UTP20: variants seen among roughly 807,000 people sequenced by gnomAD.
The protein encoded by UTP20 is small subunit processome component 20 homolog.
A neutral mutation model predicts 329.5 loss-of-function variants in UTP20; 164 were observed. The ratio of observed to expected loss-of-function variants is 0.50; its 90% CI spans 0.44 to 0.57. UTP20 has a LOEUF of 0.57. Ranked by LOEUF, UTP20 falls within the 20% of genes least tolerant of loss-of-function variation. The pLI is 0.00. For missense variants in UTP20, 3,055 were observed against 3,284.2 expected (o/e 0.93, Z 1.71); for synonymous variants, 1,151 against 1,159.3 (o/e 0.99, Z 0.14).
At chr12:101,354,201 G>A (rs1246821384) in intron 40 of UTP20, among the ~76,000 whole-genome samples, 1 of 148,732 alleles carries the variant, frequency 6.7e-6, no homozygotes, top group Non-Finnish European at 1.5e-5. Context: ...GGCAGATGTT[G>A]CGGTAAGCTG....
chr12:101,324,886 T>C (rs1226934424), intron 25 of UTP20, among the ~76,000 whole-genome samples: 1 of 152,200 alleles, frequency 6.6e-6, no homozygotes, highest in Non-Finnish European at 1.5e-5. Flanking sequence ...ATAACTACGT[T>C]TTGTTCTTGT....
intron 46 of UTP20, among the ~76,000 whole-genome samples, chr12:101,365,846 T>A (rs1870080525): frequency 1.3e-5 from 2 of 152,234 alleles, no homozygotes; most frequent in Middle Eastern, 3.2e-3. Context: ...TACCATTTTT[T>A]AAAAAGATTT....
At chr12:101,336,011 A>G (rs1433984771) in intron 29 of UTP20, among the ~76,000 whole-genome samples, 1 of 152,186 alleles carries the variant, frequency 6.6e-6, no homozygotes, top group African/African-American at 2.4e-5. Flanking sequence ...TTTTATATTC[A>G]TTGGGTCCTT....
At chr12:101,372,369 G>C (rs1404171939) in intron 51 of UTP20, among the ~76,000 whole-genome samples, 1 of 152,210 alleles carries the variant, frequency 6.6e-6, no homozygotes, top group East Asian at 1.9e-4. Flanking sequence ...CCTTCAACTA[G>C]AAAATGGGCT....
At chr12:101,345,105 C>G in intron 36 of UTP20, among the ~76,000 whole-genome samples, 1 of 151,798 alleles carries the variant, frequency 6.6e-6, no homozygotes, top group African/African-American at 2.4e-5. Flanking sequence ...GCCACCACGC[C>G]CAGCTAATTT....
intron 19 of UTP20, among the ~76,000 whole-genome samples, chr12:101,310,182 C>G (rs539115934): frequency 4.6e-5 from 7 of 152,144 alleles, no homozygotes; most frequent in African/African-American, 1.7e-4. Flanking sequence ...TATTTTGAGT[C>G]ATTGAGCCAT....
intron 46 of UTP20, 86 bp downstream of exon 46, chr12:101,365,711 A>G: frequency 1.7e-6 from 2 of 1,168,198 alleles, no homozygotes; most frequent in African/African-American, 1.6e-5. Flanking sequence ...TTGCTTTAGT[A>G]AAAAATAAAA....
chr12:101,340,438 G>A, intron 31 of UTP20, 85 bp from the exon 32 acceptor site: 1 of 789,284 alleles, frequency 1.3e-6, no homozygotes, highest in South Asian at 1.8e-5. Context: ...TGTGTCTTTA[G>A]TCATTGTTTT....
At chr12:101,288,613 G>C (rs1009219891) in intron 5 of UTP20, among the ~76,000 whole-genome samples, 1 of 152,188 alleles carries the variant, frequency 6.6e-6, no homozygotes, top group African/African-American at 2.4e-5. Flanking sequence ...TCATGACCAT[G>C]ATCATTTCCA....
At chr12:101,302,225 C>CTCA (rs1331813321) in intron 14 of UTP20, among the ~76,000 whole-genome samples, 1 of 152,216 alleles carries the variant, frequency 6.6e-6, no homozygotes. Context: ...GCCACCATGA[C>CTCA]CAGCCTGTAT....
At chr12:101,290,969 T>A in intron 8 of UTP20, 81 bp downstream of exon 8, 1 of 1,394,222 alleles carries the variant, frequency 7.2e-7, no homozygotes, top group Non-Finnish European at 9.7e-7. Context: ...TGCAAATCAC[T>A]CCTAGAAGTT....
At chr12:101,361,388 C>T (rs12300460) in intron 43 of UTP20, among the ~76,000 whole-genome samples, 3,461 of 152,116 alleles carry the variant, frequency 0.023, 141 homozygotes, top group African/African-American at 0.08. Context: ...CTTAGGGAGG[C>T]TGAGGCAGGC....
At chr12:101,283,799 C>T (rs1190182473) in intron 2 of UTP20, among the ~76,000 whole-genome samples, 1 of 152,176 alleles carries the variant, frequency 6.6e-6, no homozygotes, top group Non-Finnish European at 1.5e-5. Flanking sequence ...CTCTTCCTGC[C>T]TCAGCCTCCC....
intron 2 of UTP20, among the ~76,000 whole-genome samples, 176 bp downstream of exon 2, chr12:101,281,372 T>G (rs1175950921): frequency 6.6e-6 from 1 of 152,234 alleles, no homozygotes; most frequent in East Asian, 1.9e-4. Flanking sequence ...AATTAAAAAT[T>G]TGGGTGCCCA....
intron 10 of UTP20, 93 bp downstream of exon 10, chr12:101,292,197 C>A: frequency 7.3e-7 from 1 of 1,363,680 alleles, no homozygotes; most frequent in Non-Finnish European, 9.8e-7. Context: ...GTGACAAAGG[C>A]TCTGCCCTCA....
rs1461606141 is a variant in UTP20, at chr12:101,373,642, A to G, written c.7006A>G (p.Asn2336Asp). The change falls in exon 54 of 62, where the codon AAT becomes GAT. Residue 2336 changes from asparagine (N) to aspartate (D), a missense_variant. Asn to Asp is a conservative substitution (Grantham distance 23). Coordinates refer to ENST00000261637, the MANE Select transcript of UTP20 (RefSeq NM_014503.3). The stretch of plus-strand genomic sequence containing the variant: ...TATCCCTCTTTGTCTAATGACGATC[A>G]ATGATGACTCTGCCACGTGCAAAAA... The part of the protein sequence containing the change: ...FFIPLCLMTI[N>D]DDSATCKKMA... 1 of 1,613,298 alleles carries G rather than the reference A, an allele frequency of 6.2e-7. No homozygotes were observed. The highest frequency in any genetic ancestry group is 8.5e-7 in the Non-Finnish European group (1 of 1,179,858).
intron 28 of UTP20, among the ~76,000 whole-genome samples, chr12:101,334,195 C>T (rs1213916280): frequency 6.6e-6 from 1 of 152,176 alleles, no homozygotes; most frequent in Non-Finnish European, 1.5e-5. Context: ...ACCTAAAATA[C>T]CATTTCCTTT....
chr12:101,350,345 T>C (rs1278053364), intron 38 of UTP20, among the ~76,000 whole-genome samples: 2 of 152,092 alleles, frequency 1.3e-5, no homozygotes, highest in South Asian at 4.1e-4. Context: ...TTTTAATTTA[T>C]TTTTTGTAGA....
At position 101,340,602 on chromosome 12, in the gene UTP20, A is replaced by G. The variant is rs1488338074; in HGVS notation, c.4093A>G (p.Ile1365Val). ...LLLPFLHRGN[I>V]AEDTEVDILV... ...CCTTCCATTCCTCCACCGTGGCAATATTGCTGAGGTACAAACTCATAGGAC... is the reference window on the plus strand; with the variant it reads ...CCTTCCATTCCTCCACCGTGGCAATGTTGCTGAGGTACAAACTCATAGGAC... The change falls in exon 32 of 62, where the codon ATT becomes GTT. Residue 1365 changes from isoleucine (I) to valine (V), a missense_variant. This residue lies in a region of UTP20 where 2,445 missense variants were observed against 2,575.5 expected (regional missense o/e 0.95). Transcript: ENST00000261637. 2 of 1,608,496 alleles carry G rather than the reference A, an allele frequency of 1.2e-6. No homozygotes were observed. The highest frequency in any genetic ancestry group is 1.7e-5 in the Admixed American group (1 of 59,736).
Sources: gnomAD v4.1 joint callset for allele counts (sites outside exome capture counted in the v4.1 genomes callset) on GRCh38, gnomAD v4.1.1 for gene constraint, gnomAD v4.1.1 regional missense constraint, MANE v1.5 for transcripts, NCBI Gene and HGNC (gene_info 2026-07-23, HGNC 2026-07-21) for gene names.